Variants in ZNF423 observed in about 807,000 individuals in gnomAD.
ZNF423 encodes the protein zinc finger protein 423.
In ZNF423, 12 loss-of-function variants were observed where a neutral mutation model predicts 95.8. The observed-to-expected ratio is 0.13, with a 90% CI of 0.08 to 0.20. The LOEUF (loss-of-function observed/expected upper bound fraction) is 0.20, where lower values mean the gene tolerates loss of function less well. Ranked by LOEUF, ZNF423 falls within the 10% of genes least tolerant of loss-of-function variation. ZNF423 has a pLI of 1.00. For missense variants in ZNF423, 1,316 were observed against 1,737.1 expected, an observed-to-expected ratio of 0.76 and a Z score of 4.31; for synonymous variants, 749 against 711.9, an observed-to-expected ratio of 1.05 and a Z score of -0.83.
At chr16:49,654,087 C>T (rs778964451) in intron 3 of ZNF423, among the ~76,000 whole-genome samples, 16 of 152,198 alleles carry the variant, frequency 1.1e-4, no homozygotes, top group African/African-American at 3.1e-4. Flanking sequence ...ATAGAGAGGG[C>T]GAGGGCCCTG....
chr16:49,559,404 T>A (rs1426253642), intron 5 of ZNF423, among the ~76,000 whole-genome samples: 1 of 152,162 alleles, frequency 6.6e-6, no homozygotes, highest in Non-Finnish European at 1.5e-5. Context: ...GGCGAGAGAT[T>A]TCCCCTAATC....
At chr16:49,674,092 A>C (rs777184085) in intron 3 of ZNF423, among the ~76,000 whole-genome samples, 1 of 152,228 alleles carries the variant, frequency 6.6e-6, no homozygotes, top group South Asian at 2.1e-4. Context: ...AATTATTCTG[A>C]GTGAAAAATA....
intron 7 of ZNF423, among the ~76,000 whole-genome samples, chr16:49,520,010 A>G (rs1426048007): frequency 6.6e-6 from 1 of 152,080 alleles, no homozygotes; most frequent in African/African-American, 2.4e-5. Flanking sequence ...GCCCTCCCTG[A>G]CCACACTTAC....
intron 1 of ZNF423, among the ~76,000 whole-genome samples, chr16:49,815,910 A>AT (rs1567356495): frequency 5.2e-4 from 21 of 40,540 alleles, no homozygotes; most frequent in African/African-American, 1.8e-3. Context: ...ATATATATAT[A>AT]TATATTTTTT....
intron 5 of ZNF423, among the ~76,000 whole-genome samples, chr16:49,608,018 CT>C (rs1476201487): frequency 6.6e-6 from 1 of 152,180 alleles, no homozygotes; most frequent in East Asian, 1.9e-4. Flanking sequence ...CACCCCATAT[CT>C]TCAACACTGG....
chr16:49,700,595 C>A (rs1596879494), intron 3 of ZNF423, among the ~76,000 whole-genome samples: 1 of 152,198 alleles, frequency 6.6e-6, no homozygotes, highest in South Asian at 2.1e-4. Context: ...AACTCACAGC[C>A]CAGGGAGGGG....
At chr16:49,505,971 C>A (rs1421544168) in intron 7 of ZNF423, among the ~76,000 whole-genome samples, 1 of 152,224 alleles carries the variant, frequency 6.6e-6, no homozygotes, top group Non-Finnish European at 1.5e-5. Context: ...GCAGAAGTCA[C>A]TGGTTTTCAT....
intron 1 of ZNF423, among the ~76,000 whole-genome samples, chr16:49,849,464 C>T (rs2035278889): frequency 6.6e-6 from 1 of 152,254 alleles, no homozygotes; most frequent in African/African-American, 2.4e-5. Flanking sequence ...AGATTATCAA[C>T]ACTGCAATCT....
At position 49,816,510 on chromosome 16, in the gene ZNF423, G is replaced by C. The variant is rs547275032; in HGVS notation, c.41-26964C>G. Among the ~76,000 whole-genome samples the C allele has an allele frequency of 3.3e-5, 5 of 152,312 alleles. No homozygotes were observed. In the East Asian group the frequency reaches 9.6e-4, roughly 29 times the overall value. On this transcript the variant is annotated intron_variant, in intron 1 of 7. Coordinates refer to ENST00000563137, the MANE Select transcript of ZNF423 (RefSeq NM_001379286.1). ...TTCTTTTAAAAAGAAGATTCAGGCA[G>C]GATGCAGTGGTTCATGCCTGTAATC...
intron 5 of ZNF423, among the ~76,000 whole-genome samples, chr16:49,590,667 C>T (rs994684372): frequency 3.9e-5 from 6 of 152,170 alleles, no homozygotes; most frequent in African/African-American, 1.4e-4. Flanking sequence ...CCCCTGGAAG[C>T]GTCTGTTTCA....
Position 49,606,200 on chromosome 16 carries a change from A to G in ZNF423, c.3601+19970T>C, listed in dbSNP as rs371360415. On this transcript the variant is annotated intron_variant, in intron 5 of 7. Coordinates refer to ENST00000563137, the MANE Select transcript of ZNF423 (RefSeq NM_001379286.1). ...GGAAAGTCCCATCCTTTGGAGTTAG[A>G]GCAAAATAAAGTCCTCTCTTAGACG... 2.1e-3 allele frequency among the ~76,000 whole-genome samples: 322 copies of G among 152,302 alleles called. 15 individuals carry two copies. The South Asian group carries it at 0.065, about 31-fold the overall frequency.
At chr16:49,588,535 A>G (rs1202432918) in intron 5 of ZNF423, among the ~76,000 whole-genome samples, 1 of 152,170 alleles carries the variant, frequency 6.6e-6, no homozygotes, top group Non-Finnish European at 1.5e-5. Flanking sequence ...ATTCCACCCA[A>G]GCTGGTCTCA....
chr16:49,500,350 C>T (rs372899872), intron 7 of ZNF423, among the ~76,000 whole-genome samples: 13 of 152,260 alleles, frequency 8.5e-5, no homozygotes, highest in Middle Eastern at 3.4e-3. Flanking sequence ...GGCCTTTGGC[C>T]CCCTCCTGGG....
At chr16:49,562,926 G>A (rs1462645013) in intron 5 of ZNF423, among the ~76,000 whole-genome samples, 1 of 152,030 alleles carries the variant, frequency 6.6e-6, no homozygotes. Flanking sequence ...CTACAGGCAC[G>A]AAACGAGCCA....
intron 4 of ZNF423, among the ~76,000 whole-genome samples, chr16:49,631,788 T>A (rs1972511428): frequency 6.6e-6 from 1 of 152,216 alleles, no homozygotes; most frequent in Non-Finnish European, 1.5e-5. Context: ...GCACTTGCCA[T>A]GTGTGGGCAG....
intron 3 of ZNF423, among the ~76,000 whole-genome samples, chr16:49,723,193 G>A (rs893640557): frequency 7.9e-5 from 12 of 152,066 alleles, no homozygotes; most frequent in Non-Finnish European, 1.3e-4. Context: ...CTGACCTCGT[G>A]ATCCGCCTGC....
At chr16:49,756,340 CACAT>C (rs1314049766) in intron 2 of ZNF423, among the ~76,000 whole-genome samples, 85 of 152,304 alleles carry the variant, frequency 5.6e-4, no homozygotes, top group Admixed American at 5.6e-3. Context: ...TTATTAAACA[CACAT>C]ACAGACATTA....
intron 5 of ZNF423, among the ~76,000 whole-genome samples, chr16:49,623,725 T>G (rs1424060593): frequency 6.6e-6 from 1 of 152,092 alleles, no homozygotes; most frequent in Non-Finnish European, 1.5e-5. Context: ...CCCCACCTGC[T>G]CTTCCTGGGC....
chr16:49,557,024 C>T (rs1377708210), intron 5 of ZNF423, among the ~76,000 whole-genome samples: 1 of 152,192 alleles, frequency 6.6e-6, no homozygotes, highest in Non-Finnish European at 1.5e-5. Context: ...TTCAGCTGCT[C>T]CCTCCTCTTC....
Sources: gnomAD v4.1 joint callset for allele counts (sites outside exome capture counted in the v4.1 genomes callset) on GRCh38, gnomAD v4.1.1 for gene constraint, MANE v1.5 for transcripts, NCBI Gene and HGNC (gene_info 2026-07-23, HGNC 2026-07-21) for gene names.